The following PCDHGB1 variants were observed in gnomAD, a reference collection of about 807,000 sequenced individuals.
PCDHGB1 encodes the protein protocadherin gamma subfamily B, 1.
Under a neutral mutation model 56.6 loss-of-function variants are expected in PCDHGB1, and 34 were observed. That is an observed-to-expected ratio of 0.60 (90% CI 0.46 to 0.80). PCDHGB1 has a LOEUF of 0.80. Among genes scored for constraint, PCDHGB1 ranks in the 30% least tolerant of loss-of-function variants. The pLI is 0.00. For missense variants in PCDHGB1, 1,278 were observed against 1,204.6 expected (o/e 1.06, Z -0.90); for synonymous variants, 561 against 505.9 (o/e 1.11, Z -1.46).
At chr5:141,398,608 G>C in intron 1 of PCDHGB1, 4 of 1,614,062 alleles carry the variant, frequency 2.5e-6, no homozygotes, top group Non-Finnish European at 3.4e-6. Context: ...AGAAGATGCA[G>C]ATATTGGCTT....
chr5:141,470,658 G>T lies in PCDHGB1; in HGVS notation c.2410-24149G>T, dbSNP rs527415532. Among the ~76,000 whole-genome samples the T allele has an allele frequency of 4.7e-3, 721 of 152,024 alleles. 9 individuals carry two copies. The highest frequency in any genetic ancestry group is 6.7e-3 in the Non-Finnish European group (452 of 67,944). On this transcript the variant is annotated intron_variant, in intron 1 of 3. Transcript: ENST00000523390. ...CTTGCTTTGAAGGCCCCTACCCTTT[G>T]GTTAGGGCTCTGCTGTTACCATCTT... is the stretch of plus-strand genomic sequence containing the variant.
intron 1 of PCDHGB1, among the ~76,000 whole-genome samples, chr5:141,472,026 G>C (rs2099269805): frequency 6.6e-6 from 1 of 152,108 alleles, no homozygotes; most frequent in Non-Finnish European, 1.5e-5. Context: ...ATTGTATGTA[G>C]AAAGCTGTGA....
chr5:141,388,876 T>C lies in PCDHGB1; in HGVS notation c.2409+36207T>C, dbSNP rs941783342. 6.2e-6 allele frequency: 10 copies of C among 1,613,840 alleles called. No homozygotes were observed. In the African/African-American group the frequency reaches 1.1e-4, roughly 17 times the overall value. On this transcript the variant is annotated intron_variant, in intron 1 of 3. Coordinates refer to ENST00000523390, the MANE Select transcript of PCDHGB1 (RefSeq NM_018922.3). ...GGAGGAATGATTGCGCAATGCACAGTGGAGGTAGAAGTCATAGATGAAAAT... is the reference window on the plus strand; with the variant it reads ...GGAGGAATGATTGCGCAATGCACAGCGGAGGTAGAAGTCATAGATGAAAAT...
At chr5:141,434,193 T>C (rs2097677103) in intron 1 of PCDHGB1, among the ~76,000 whole-genome samples, 1 of 152,246 alleles carries the variant, frequency 6.6e-6, no homozygotes, top group Non-Finnish European at 1.5e-5. Flanking sequence ...GTAATTCCAA[T>C]GTACTTACTT....
In PCDHGB1 at chr5:141,351,353, A is replaced by G. The variant is rs1369493979; in HGVS notation, c.1093A>G (p.Ile365Val). ...DSDLGTVIAL[I>V]KVRDKDSGQN... ...AGACCTTGGAACTGTAATAGCCCTC[A>G]TAAAAGTGCGAGACAAGGATTCTGG... The change falls in exon 1 of 4, where the codon ATA becomes GTA. Residue 365 changes from isoleucine to valine, a missense_variant. Physicochemically the swap from Ile to Val is conservative, Grantham distance 29. Transcript: ENST00000523390. The G allele has an allele frequency of 4.3e-6, 7 of 1,613,362 alleles. No homozygotes were observed. The highest frequency in any genetic ancestry group is 2.2e-5 in the East Asian group (1 of 44,870).
At position 141,376,090 on chromosome 5, in the gene PCDHGB1, C is replaced by G. The variant is rs372887480; in HGVS notation, c.2409+23421C>G. ...CCGTGGCCGTGGCCGACAGGATCCC[C>G]GACATCCTGGCCGACCTGGGCAGCC... On this transcript the variant is annotated intron_variant, in intron 1 of 3. Coordinates refer to ENST00000523390, the MANE Select transcript of PCDHGB1 (RefSeq NM_018922.3). 107 of 1,613,674 alleles carry G rather than the reference C, an allele frequency of 6.6e-5. No homozygotes were observed. In the African/African-American group the frequency reaches 1.2e-3, roughly 18 times the overall value.
chr5:141,375,129 T>C (rs749288394), intron 1 of PCDHGB1: 4 of 1,613,890 alleles, frequency 2.5e-6, no homozygotes, highest in Non-Finnish European at 2.5e-6. Context: ...GAAGTGGTTG[T>C]TACATCTGGA....
At chr5:141,475,959 A>T (rs963363028) in intron 1 of PCDHGB1, 15 of 817,720 alleles carry the variant, frequency 1.8e-5, no homozygotes, top group East Asian at 2.6e-5. Context: ...GCGCCCCGGG[A>T]TGAGGCAGAG....
intron 1 of PCDHGB1, among the ~76,000 whole-genome samples, chr5:141,458,449 A>G (rs1483902182): frequency 6.6e-6 from 1 of 152,086 alleles, no homozygotes; most frequent in Non-Finnish European, 1.5e-5. Context: ...CCACATTAAC[A>G]ATTTTTAAAA....
At chr5:141,415,063 G>A (rs569362520) in intron 1 of PCDHGB1, 3 of 1,613,432 alleles carry the variant, frequency 1.9e-6, no homozygotes, top group Admixed American at 1.7e-5. Flanking sequence ...CACGGGCGAG[G>A]TGCGCACGGC....
At chr5:141,409,011 A>T in intron 1 of PCDHGB1, 1 of 1,613,974 alleles carries the variant, frequency 6.2e-7, no homozygotes, top group Non-Finnish European at 8.5e-7. Context: ...ACTGACCAGG[A>T]TGAGGGGGTC....
intron 1 of PCDHGB1, chr5:141,383,374 G>T: frequency 6.2e-7 from 1 of 1,614,028 alleles, no homozygotes. Context: ...CGAGGCTGGG[G>T]ATCCAGATGT....
intron 1 of PCDHGB1, chr5:141,372,088 C>G: frequency 1.9e-6 from 3 of 1,613,762 alleles, no homozygotes; most frequent in Non-Finnish European, 2.5e-6. Flanking sequence ...GTGCTGTACC[C>G]AGCTCTGGGG....
chr5:141,415,853 G>A, intron 1 of PCDHGB1: 1 of 1,186,350 alleles, frequency 8.4e-7, no homozygotes, highest in Non-Finnish European at 1.1e-6. Flanking sequence ...GCAGAACCTT[G>A]TAGTTTATAG....
intron 1 of PCDHGB1, chr5:141,412,602 T>G (rs1239898248): frequency 6.6e-6 from 1 of 152,188 alleles, no homozygotes; most frequent in African/African-American, 2.4e-5. Flanking sequence ...CTAAATAAAA[T>G]TGGCCTATTC....
intron 1 of PCDHGB1, chr5:141,415,782 T>C: frequency 7.4e-7 from 1 of 1,356,228 alleles, no homozygotes. Context: ...TACTTTCTGG[T>C]AAAATTCACC....
At chr5:141,387,019 A>G (rs753625930) in intron 1 of PCDHGB1, among the ~76,000 whole-genome samples, 1 of 152,192 alleles carries the variant, frequency 6.6e-6, no homozygotes, top group Non-Finnish European at 1.5e-5. Context: ...TTGAAGATGA[A>G]TGTTGTATTT....
chr5:141,374,039 G>A, intron 1 of PCDHGB1: 1 of 1,456,944 alleles, frequency 6.9e-7, no homozygotes, highest in Non-Finnish European at 9.1e-7. Flanking sequence ...ATGCAGATCT[G>A]TTCTTCCTCT....
Position 141,415,114 on chromosome 5 carries a change from G to A in PCDHGB1, c.2409+62445G>A, listed in dbSNP as rs186848544. On this transcript the variant is annotated intron_variant, in intron 1 of 3. Transcript: ENST00000523390. Reference sequence around the variant, plus strand: ...CAGAGACGCGCTCAAGCAAAGCCTCGTAGTGGCCGTCCAGGACCACGGCCA... The same window carrying A: ...CAGAGACGCGCTCAAGCAAAGCCTCATAGTGGCCGTCCAGGACCACGGCCA... 1.7e-5 allele frequency: 28 copies of A among 1,613,646 alleles called. No homozygotes were observed. In the African/African-American group the frequency reaches 2.7e-4, roughly 15 times the overall value.
Sources: allele counts gnomAD v4.1 joint callset (sites outside exome capture counted in the v4.1 genomes callset), GRCh38; gene constraint gnomAD v4.1.1; transcripts MANE v1.5; gene names NCBI Gene and HGNC (gene_info 2026-07-23, HGNC 2026-07-21).